GPM6A: variants seen among roughly 807,000 people sequenced by gnomAD.
GPM6A encodes the protein neuronal membrane glycoprotein M6-a.
A neutral mutation model predicts 32.1 loss-of-function variants in GPM6A; 7 were observed. The observed-to-expected ratio is 0.22, with a 90% CI of 0.12 to 0.41. The LOEUF is 0.41. Among genes scored for constraint, GPM6A ranks in the 10% least tolerant of loss-of-function variants. GPM6A has a pLI of 1.00. For missense variants in GPM6A, 235 were observed against 347.2 expected (o/e 0.68, Z 2.57); for synonymous variants, 130 against 123.4 (o/e 1.05, Z -0.35).
chr4:175,766,981 C>T (rs1009171300), intron 1 of GPM6A, among the ~76,000 whole-genome samples: 2 of 152,026 alleles, frequency 1.3e-5, no homozygotes, highest in African/African-American at 2.4e-5. Context: ...CTCTGAGTTT[C>T]CCCTCTAATC....
intron 2 of GPM6A, among the ~76,000 whole-genome samples, chr4:175,678,926 C>G (rs1187222941): frequency 6.6e-6 from 1 of 152,082 alleles, no homozygotes; most frequent in Non-Finnish European, 1.5e-5. Flanking sequence ...AACATTTTAT[C>G]TCATTTACTT....
intron 1 of GPM6A, among the ~76,000 whole-genome samples, chr4:175,831,602 CT>C (rs1170136553): frequency 6.6e-6 from 1 of 152,040 alleles, no homozygotes; most frequent in Admixed American, 6.6e-5. Context: ...TACTCCCACC[CT>C]TCTCCACCTC....
intron 1 of GPM6A, among the ~76,000 whole-genome samples, chr4:175,793,063 C>T (rs1302554006): frequency 6.6e-6 from 1 of 152,098 alleles, no homozygotes; most frequent in East Asian, 1.9e-4. Context: ...CTTGTGGTCC[C>T]AGGTTTTTCA....
intron 1 of GPM6A, among the ~76,000 whole-genome samples, chr4:175,761,457 G>A (rs1047332462): frequency 6.6e-6 from 1 of 152,162 alleles, no homozygotes; most frequent in Non-Finnish European, 1.5e-5. Context: ...TGTGTTGAAT[G>A]ATGTCACAAT....
intron 2 of GPM6A, among the ~76,000 whole-genome samples, chr4:175,682,288 T>C (rs1331823410): frequency 6.6e-6 from 1 of 152,072 alleles, no homozygotes; most frequent in Non-Finnish European, 1.5e-5. Flanking sequence ...AATGCTCAGA[T>C]GTGGGAAGAA....
intron 1 of GPM6A, among the ~76,000 whole-genome samples, chr4:175,990,977 C>T (rs957293977): frequency 6.6e-6 from 1 of 151,846 alleles, no homozygotes; most frequent in Non-Finnish European, 1.5e-5. Context: ...GTTGCTCTGC[C>T]TTTTTCCTCT....
At chr4:176,000,987 G>A (rs750546028) in intron 1 of GPM6A, among the ~76,000 whole-genome samples, 4 of 152,116 alleles carry the variant, frequency 2.6e-5, no homozygotes, top group Non-Finnish European at 4.4e-5. Flanking sequence ...CTAAAAATGG[G>A]TCCTTCTAAG....
intron 1 of GPM6A, among the ~76,000 whole-genome samples, chr4:175,877,031 G>C (rs1469351316): frequency 2.0e-5 from 3 of 152,182 alleles, no homozygotes; most frequent in African/African-American, 4.8e-5. Flanking sequence ...CCCAGCTTTG[G>C]AGGCTCTGGA....
chr4:175,670,783 A>T (rs559837637), intron 3 of GPM6A, among the ~76,000 whole-genome samples: 1 of 152,228 alleles, frequency 6.6e-6, no homozygotes, highest in Admixed American at 6.5e-5. Context: ...ATGCAGACCA[A>T]GTTATGCTTT....
intron 1 of GPM6A, among the ~76,000 whole-genome samples, chr4:175,842,088 T>A (rs1409100442): frequency 2.6e-5 from 4 of 152,152 alleles, no homozygotes; most frequent in Non-Finnish European, 5.9e-5. Flanking sequence ...TTCTTTTTGG[T>A]GTTGCATAGA....
intron 2 of GPM6A, among the ~76,000 whole-genome samples, chr4:175,681,685 T>A (rs1579378714): frequency 6.6e-6 from 1 of 152,088 alleles, no homozygotes; most frequent in Non-Finnish European, 1.5e-5. Context: ...GGCCATGTGA[T>A]GTGCCTGCTC....
chr4:175,885,163 G>A (rs1737411655), intron 1 of GPM6A, among the ~76,000 whole-genome samples: 1 of 152,134 alleles, frequency 6.6e-6, no homozygotes. Flanking sequence ...ATAAATTGTG[G>A]TATAACCATG....
At chr4:175,725,299 T>G (rs1329090192) in intron 1 of GPM6A, among the ~76,000 whole-genome samples, 2 of 150,152 alleles carry the variant, frequency 1.3e-5, no homozygotes, top group Non-Finnish European at 3.0e-5. Flanking sequence ...GTTTTTGTTT[T>G]TTTTTTTTTT....
intron 1 of GPM6A, among the ~76,000 whole-genome samples, chr4:175,766,869 G>T (rs897921160): frequency 6.6e-6 from 1 of 151,960 alleles, no homozygotes; most frequent in Non-Finnish European, 1.5e-5. Flanking sequence ...TGGCCAGGCT[G>T]GTCTTGAACT....
rs376544130 is a variant in GPM6A, at chr4:175,970,736, A to T, written c.-23+31573T>A. 1,372 of 386,860 alleles carry T rather than the reference A, an allele frequency of 3.5e-3. 40 individuals carry two copies. The highest frequency in any genetic ancestry group is 0.025 in the South Asian group (1,284 of 50,792). The allele number at this position is 386,860 out of a possible 1,614,324, so 24.0% of individuals were successfully genotyped here. ...AGCCACAACAAACTTCTTATGTTGA[A>T]ATAAAAGGTCACATTAAAAGGAAGG... is the stretch of plus-strand genomic sequence containing the variant. On this transcript the variant is annotated intron_variant, in intron 1 of 7. Transcript: ENST00000280187.
At chr4:175,729,365 G>T (rs1158066325) in intron 1 of GPM6A, among the ~76,000 whole-genome samples, 1 of 152,116 alleles carries the variant, frequency 6.6e-6, no homozygotes, top group African/African-American at 2.4e-5. Context: ...CAAGTACACA[G>T]ATCTGCCAGG....
chr4:175,902,924 A>C (rs1738012558), intron 1 of GPM6A, among the ~76,000 whole-genome samples: 1 of 152,112 alleles, frequency 6.6e-6, no homozygotes, highest in Non-Finnish European at 1.5e-5. Context: ...AAGCTCTAGA[A>C]TAACAGCTAA....
At chr4:175,767,373 A>G (rs1733013865) in intron 1 of GPM6A, among the ~76,000 whole-genome samples, 1 of 152,196 alleles carries the variant, frequency 6.6e-6, no homozygotes, top group Non-Finnish European at 1.5e-5. Flanking sequence ...TCTATACATG[A>G]AAACTGCTTG....
chr4:175,663,869 TTC>T (rs1314852915), intron 3 of GPM6A, among the ~76,000 whole-genome samples: 7 of 152,034 alleles, frequency 4.6e-5, no homozygotes, highest in Non-Finnish European at 8.8e-5. Flanking sequence ...AATTTTTGTA[TTC>T]TTAGTAGAAA....
Sources: allele counts gnomAD v4.1 joint callset (sites outside exome capture counted in the v4.1 genomes callset), GRCh38; gene constraint gnomAD v4.1.1; transcripts MANE v1.5; gene names NCBI Gene and HGNC (gene_info 2026-07-23, HGNC 2026-07-21).